The following RBFOX1 variants were observed in gnomAD, a reference collection of about 807,000 sequenced individuals.
The protein encoded by RBFOX1 is RNA binding fox-1 homolog 1, also known as RNA binding protein fox-1 homolog 1.
A neutral mutation model predicts 57.7 loss-of-function variants in RBFOX1; 8 were observed. That is an observed-to-expected ratio of 0.14 (90% CI 0.08 to 0.25). The LOEUF (loss-of-function observed/expected upper bound fraction) is 0.25, where lower values mean the gene tolerates loss of function less well. Among genes scored for constraint, RBFOX1 ranks in the 10% least tolerant of loss-of-function variants. The pLI is 1.00. For missense variants in RBFOX1, 611 were observed against 548.5 expected, an observed-to-expected ratio of 1.11 and a Z score of -1.14; for synonymous variants, 326 against 222.4, an observed-to-expected ratio of 1.47 and a Z score of -4.15.
At chr16:7,423,790 T>C (rs1242837444) in intron 4 of RBFOX1, among the ~76,000 whole-genome samples, 1 of 152,148 alleles carries the variant, frequency 6.6e-6, no homozygotes, top group Non-Finnish European at 1.5e-5. Context: ...AGGATTTCTT[T>C]CCCTCTCTGC....
intron 4 of RBFOX1, among the ~76,000 whole-genome samples, chr16:5,965,066 T>C (rs1245172247): frequency 6.6e-6 from 1 of 152,152 alleles, no homozygotes; most frequent in East Asian, 1.9e-4. Context: ...ATATCACTTA[T>C]ACGTAGAATC....
intron 3 of RBFOX1, among the ~76,000 whole-genome samples, chr16:6,667,959 C>T (rs2098742824): frequency 6.6e-6 from 1 of 152,092 alleles, no homozygotes; most frequent in Non-Finnish European, 1.5e-5. Flanking sequence ...TTTCGTCCTA[C>T]TCTTTTTTAA....
At chr16:7,485,564 A>T (rs2065158197) in intron 4 of RBFOX1, among the ~76,000 whole-genome samples, 2 of 151,998 alleles carry the variant, frequency 1.3e-5, no homozygotes, top group South Asian at 4.1e-4. Context: ...GCAGTTCTCA[A>T]CCCCCAGATG....
At chr16:5,873,716 T>C (rs2057536369) in intron 4 of RBFOX1, among the ~76,000 whole-genome samples, 1 of 152,204 alleles carries the variant, frequency 6.6e-6, no homozygotes, top group African/African-American at 2.4e-5. Context: ...AGGACTGATG[T>C]TGTCAATAGA....
intron 4 of RBFOX1, among the ~76,000 whole-genome samples, chr16:7,252,695 CTTT>C (rs541617900): frequency 7.1e-6 from 1 of 141,470 alleles, no homozygotes; most frequent in Non-Finnish European, 1.5e-5. Context: ...CATTTACATC[CTTT>C]TTTTTTTTTT....
chr16:7,046,238 G>A (rs2047887128), intron 3 of RBFOX1, among the ~76,000 whole-genome samples: 1 of 77,878 alleles, frequency 1.3e-5, no homozygotes, highest in Admixed American at 1.3e-4. Context: ...AGGTAAAGGG[G>A]TGTGTGTGTG....
At chr16:7,227,033 C>A (rs1215445917) in intron 4 of RBFOX1, among the ~76,000 whole-genome samples, 3 of 152,158 alleles carry the variant, frequency 2.0e-5, no homozygotes, top group Non-Finnish European at 2.9e-5. Flanking sequence ...GTTGTCCTCT[C>A]CGGCATTGCA....
intron 4 of RBFOX1, among the ~76,000 whole-genome samples, chr16:7,132,732 A>G (rs1352728187): frequency 2.0e-5 from 3 of 152,202 alleles, no homozygotes; most frequent in Admixed American, 6.5e-5. Context: ...ACCAGTCACA[A>G]GAAGACAAAT....
intron 2 of RBFOX1, among the ~76,000 whole-genome samples, chr16:6,500,889 T>G (rs1198824821): frequency 2.1e-5 from 3 of 142,120 alleles, no homozygotes; most frequent in African/African-American, 7.8e-5. Context: ...TTTTTTTTTT[T>G]TTTTTTTTTT....
chr16:7,214,090 T>TAAAA (rs1567734513), intron 4 of RBFOX1, among the ~76,000 whole-genome samples: 14 of 139,174 alleles, frequency 1.0e-4, no homozygotes, highest in African/African-American at 3.3e-4. Context: ...AAAAAAAAAT[T>TAAAA]TTTCCACTTC....
intron 5 of RBFOX1, among the ~76,000 whole-genome samples, chr16:7,533,651 T>C (rs1362082795): frequency 6.6e-6 from 1 of 152,166 alleles, no homozygotes; most frequent in Non-Finnish European, 1.5e-5. Flanking sequence ...GTGTCAAATA[T>C]CTCATGCACT....
At chr16:6,226,457 A>C (rs1433506597) in intron 1 of RBFOX1, among the ~76,000 whole-genome samples, 5 of 151,612 alleles carry the variant, frequency 3.3e-5, no homozygotes, top group African/African-American at 9.7e-5. Context: ...TTCCTGTGGC[A>C]CAGGTAGTGA....
chr16:6,776,517 G>A (rs1445806367), intron 3 of RBFOX1, among the ~76,000 whole-genome samples: 1 of 152,172 alleles, frequency 6.6e-6, no homozygotes, highest in Non-Finnish European at 1.5e-5. Flanking sequence ...CATAGAAGAG[G>A]AACCTTGGCT....
chr16:7,247,783 T>G (rs1360778424), intron 4 of RBFOX1, among the ~76,000 whole-genome samples: 1 of 152,144 alleles, frequency 6.6e-6, no homozygotes, highest in Non-Finnish European at 1.5e-5. Flanking sequence ...TCTAGGTATT[T>G]TAAAATGTGG....
intron 3 of RBFOX1, among the ~76,000 whole-genome samples, chr16:5,607,002 G>T (rs964066509): frequency 1.3e-5 from 2 of 152,150 alleles, no homozygotes; most frequent in Non-Finnish European, 2.9e-5. Context: ...GTGATTGTCT[G>T]GATCCAATTT....
chr16:5,254,379 C>G (rs2062530553), intron 1 of RBFOX1, among the ~76,000 whole-genome samples: 1 of 152,166 alleles, frequency 6.6e-6, no homozygotes, highest in South Asian at 2.1e-4. Flanking sequence ...CAGGAACATA[C>G]TTGTCTGTGG....
chr16:6,146,255 C>T (rs1031321117), intron 1 of RBFOX1, among the ~76,000 whole-genome samples: 2 of 152,182 alleles, frequency 1.3e-5, no homozygotes, highest in African/African-American at 4.8e-5. Flanking sequence ...GTGCTCACAG[C>T]AGATAGGAAT....
intron 3 of RBFOX1, among the ~76,000 whole-genome samples, chr16:6,970,599 A>G (rs995109168): frequency 2.0e-5 from 3 of 152,156 alleles, no homozygotes; most frequent in Non-Finnish European, 4.4e-5. Context: ...GGTGGAAGGG[A>G]AAAAGCACTC....
intron 10 of RBFOX1, among the ~76,000 whole-genome samples, chr16:7,627,594 A>G (rs1338141596): frequency 1.3e-5 from 2 of 152,212 alleles, no homozygotes; most frequent in Non-Finnish European, 2.9e-5. Context: ...TGTTGAAGCT[A>G]TATTGAGAAG....
Sources: allele counts gnomAD v4.1 joint callset (sites outside exome capture counted in the v4.1 genomes callset), GRCh38; gene constraint gnomAD v4.1.1; transcripts MANE v1.5; gene names NCBI Gene and HGNC (gene_info 2026-07-23, HGNC 2026-07-21).